Variants in ZC3H12B observed in about 807,000 individuals in gnomAD.
ZC3H12B encodes the protein probable ribonuclease ZC3H12B.
In ZC3H12B, 7 loss-of-function variants were observed where a neutral mutation model predicts 43.9. The ratio of observed to expected loss-of-function variants is 0.16; its 90% CI spans 0.09 to 0.30. The LOEUF (loss-of-function observed/expected upper bound fraction) is 0.30. Among genes scored for constraint, ZC3H12B ranks in the 10% least tolerant of loss-of-function variants. ZC3H12B has a pLI of 1.00. For missense variants in ZC3H12B, 475 were observed against 670.2 expected (o/e 0.71, Z 3.22); for synonymous variants, 222 against 241.7 (o/e 0.92, Z 0.76).
exon 5 of ZC3H12B, chrX:65,503,782 A>G (rs757647829): frequency 9.0e-6 from 1 of 110,526 alleles, no homozygotes; most frequent in African/African-American, 3.3e-5. Context: ...ATGCCCAGCT[A>G]ATTTTTGTAT....
At chrX:65,430,301 G>A (rs2067140617) in intron 3 of ZC3H12B, among the ~76,000 whole-genome samples, 1 of 109,761 alleles carries the variant, frequency 9.1e-6, no homozygotes, top group South Asian at 3.9e-4. Context: ...ATCCATGGGA[G>A]AAGCATGGTT....
At chrX:65,355,535 C>T in the ZC3H12B span, among the ~76,000 whole-genome samples, 1 of 111,119 alleles carries the variant, frequency 9.0e-6, no homozygotes, top group Non-Finnish European at 1.9e-5. Flanking sequence ...GGGACACTTC[C>T]CAACTAAACA....
chrX:65,458,191 G>A (rs1313589613), intron 3 of ZC3H12B, among the ~76,000 whole-genome samples: 1 of 108,005 alleles, frequency 9.3e-6, no homozygotes, highest in Non-Finnish European at 1.9e-5. Context: ...CAATACTGGA[G>A]CACCCAGATT....
the ZC3H12B span, among the ~76,000 whole-genome samples, chrX:65,194,071 G>T: frequency 3.7e-5 from 4 of 109,319 alleles, no homozygotes; most frequent in Non-Finnish European, 7.6e-5. Context: ...TGGCACGGGG[G>T]TAATGCAGCC....
At chrX:65,066,963 C>G in the ZC3H12B span, among the ~76,000 whole-genome samples, 1 of 111,597 alleles carries the variant, frequency 9.0e-6, no homozygotes, top group South Asian at 3.7e-4. Flanking sequence ...CCTACTCCAT[C>G]CTCAGTGATG....
chrX:65,497,111 C>G (rs1392146842), intron 1 of ZC3H12B, 21 bp from the exon 7 acceptor site: 1 of 1,184,545 alleles, frequency 8.4e-7, no homozygotes, highest in Non-Finnish European at 1.1e-6. Flanking sequence ...CTTCTCTCCT[C>G]TTATTCTGTA....
At chrX:65,146,830 A>T in the ZC3H12B span, among the ~76,000 whole-genome samples, 4 of 111,609 alleles carry the variant, frequency 3.6e-5, no homozygotes, top group Admixed American at 9.5e-5. Flanking sequence ...GAGTCTGTCA[A>T]CCATAGATAC....
At chrX:65,133,588 C>T in the ZC3H12B span, among the ~76,000 whole-genome samples, 1 of 111,254 alleles carries the variant, frequency 9.0e-6, no homozygotes, top group Non-Finnish European at 1.9e-5. Context: ...AATTGTTGGG[C>T]AGGTGGGGGA....
the ZC3H12B span, among the ~76,000 whole-genome samples, chrX:65,216,429 G>A: frequency 1.8e-5 from 2 of 111,271 alleles, no homozygotes; most frequent in African/African-American, 6.5e-5. Flanking sequence ...ATTTATAACA[G>A]CCCTGGGGCA....
chrX:65,212,149 T>TATTAG, the ZC3H12B span, among the ~76,000 whole-genome samples: 1 of 52,675 alleles, frequency 1.9e-5, no homozygotes, highest in African/African-American at 8.0e-5. Flanking sequence ...TATATTAACA[T>TATTAG]TATATTAGTA....
chrX:65,376,228 C>T (rs770510034), intron 2 of ZC3H12B, among the ~76,000 whole-genome samples: 2 of 112,198 alleles, frequency 1.8e-5, no homozygotes. Context: ...ATAGGGAAAG[C>T]ATCTCATTGA....
At chrX:65,348,892 G>T in the ZC3H12B span, among the ~76,000 whole-genome samples, 1 of 111,164 alleles carries the variant, frequency 9.0e-6, no homozygotes, top group Non-Finnish European at 1.9e-5. Context: ...GACCTACAAA[G>T]GGACTTAGAC....
At chrX:65,162,136 G>T in the ZC3H12B span, among the ~76,000 whole-genome samples, 1 of 111,774 alleles carries the variant, frequency 8.9e-6, no homozygotes, top group Admixed American at 9.5e-5. Flanking sequence ...CACGAGATCA[G>T]CTGTTAGTCT....
chrX:65,056,272 A>T, the ZC3H12B span, among the ~76,000 whole-genome samples: 1 of 111,015 alleles, frequency 9.0e-6, no homozygotes, highest in Admixed American at 9.6e-5. Context: ...TGTGTCCCAG[A>T]GATTCTGGTA....
chrX:65,277,095 G>A, the ZC3H12B span, among the ~76,000 whole-genome samples: 1 of 111,552 alleles, frequency 9.0e-6, no homozygotes, highest in Non-Finnish European at 1.9e-5. Context: ...CAAAATTTAT[G>A]TCAAGAAGAT....
chrX:65,114,994 A>T, the ZC3H12B span, among the ~76,000 whole-genome samples: 11 of 93,467 alleles, frequency 1.2e-4, no homozygotes, highest in African/African-American at 4.9e-4. Context: ...AAGTTTTAAA[A>T]TTTTTGTGGG....
At chrX:65,304,144 A>T in the ZC3H12B span, among the ~76,000 whole-genome samples, 1 of 112,308 alleles carries the variant, frequency 8.9e-6, no homozygotes, top group Non-Finnish European at 1.9e-5. Flanking sequence ...TAGAAATCTA[A>T]CTTATTTAAG....
upstream of ZC3H12B, among the ~76,000 whole-genome samples, chrX:65,486,304 G>T (rs1046037055): frequency 8.9e-6 from 1 of 112,205 alleles, no homozygotes; most frequent in Non-Finnish European, 1.9e-5. Context: ...CTATAGAAGT[G>T]CATTTCTAGG....
the ZC3H12B span, chrX:65,328,305 A>G: frequency 7.9e-6 from 2 of 252,591 alleles, no homozygotes; most frequent in Admixed American, 4.4e-5. Flanking sequence ...TATCCCTGGC[A>G]TAACTTCATT....
Sources: allele counts gnomAD v4.1 joint callset (sites outside exome capture counted in the v4.1 genomes callset), GRCh38; gene constraint gnomAD v4.1.1; transcripts MANE v1.5; gene names NCBI Gene and HGNC (gene_info 2026-07-23, HGNC 2026-07-21).